The following NUP155 variants were observed in gnomAD, a reference collection of about 807,000 sequenced individuals.
The protein encoded by NUP155 is nucleoporin 155, also known as nuclear pore complex protein Nup155.
A neutral mutation model predicts 180.4 loss-of-function variants in NUP155; 71 were observed. The ratio of observed to expected loss-of-function variants is 0.39; its 90% CI spans 0.33 to 0.48. The LOEUF (loss-of-function observed/expected upper bound fraction) is 0.48. NUP155 is among the 20% of genes least tolerant of loss of function. The pLI, the probability that NUP155 is intolerant of heterozygous loss-of-function variation, is 0.91. For synonymous variants in NUP155, 582 were observed against 559.5 expected (o/e 1.04, Z -0.57); for missense variants, 1,553 against 1,648.9 (o/e 0.94, Z 1.01).
intron 33 of NUP155, 116 bp downstream of exon 33, chr5:37,294,213 A>C: frequency 1.4e-6 from 1 of 700,388 alleles, no homozygotes; most frequent in East Asian, 2.8e-5. Context: ...GACTCAACCA[A>C]GTGTAATTAG....
At position 37,352,415 on chromosome 5, in the gene NUP155, G is replaced by A. The variant is rs138867904; in HGVS notation, c.556+322C>T. ...TAGCCGGGTATGGTGGTGCATGCCT[G>A]TAATCCCAGCAACTCAAGAGACTGA... On this transcript the variant is annotated intron_variant, in intron 5 of 34. Coordinates refer to ENST00000231498, the MANE Select transcript of NUP155 (RefSeq NM_153485.3). Among the ~76,000 whole-genome samples the A allele has an allele frequency of 2.7e-3, 417 of 152,244 alleles. 1 individual carries two copies. Among genetic ancestry groups the A allele is most frequent in the African/African-American group, 9.6e-3 (401 of 41,562 alleles).
intron 9 of NUP155, among the ~76,000 whole-genome samples, chr5:37,346,063 TGAA>T (rs1267313475): frequency 6.6e-6 from 1 of 152,014 alleles, no homozygotes; most frequent in Non-Finnish European, 1.5e-5. Context: ...TTCTTGTCAC[TGAA>T]GAATAAAACA....
At chr5:37,338,103 G>A (rs927890803) in intron 11 of NUP155, among the ~76,000 whole-genome samples, 185 bp from the exon 12 acceptor site, 2 of 148,324 alleles carry the variant, frequency 1.3e-5, no homozygotes, top group Non-Finnish European at 1.5e-5. Context: ...GGTGGATCAC[G>A]AGGTCAGGAG....
intron 15 of NUP155, among the ~76,000 whole-genome samples, chr5:37,329,832 A>G (rs1200973046): frequency 6.6e-6 from 1 of 152,168 alleles, no homozygotes; most frequent in African/African-American, 2.4e-5. Context: ...TCCAGAGTTA[A>G]AGTAATAATG....
chr5:37,334,897 C>T (rs1375698888), intron 12 of NUP155, among the ~76,000 whole-genome samples: 3 of 152,072 alleles, frequency 2.0e-5, no homozygotes, highest in Admixed American at 6.5e-5. Flanking sequence ...AGGTGGCTCA[C>T]GCCTATAATC....
rs1214646441 is a variant in NUP155 at position 37,288,231 on chromosome 5, A to G, written c.*3669T>C. On this transcript the variant is annotated 3_prime_UTR_variant, in exon 35 of 35. Transcript: ENST00000231498. ...GAACCCTTTCAAAACCTTTCAATTCAATGTTCTAGTTCTTCATTTCCTTGA... is the reference window on the plus strand; with the variant it reads ...GAACCCTTTCAAAACCTTTCAATTCGATGTTCTAGTTCTTCATTTCCTTGA... 2 of 152,210 alleles carry G rather than the reference A, an allele frequency of 1.3e-5. No homozygotes were observed. The highest frequency in any genetic ancestry group is 4.8e-5 in the African/African-American group (2 of 41,456). The allele number at this position is 152,210 out of a possible 1,614,324, so 9.4% of individuals were successfully genotyped here.
At chr5:37,293,568 ATCTTT>A (rs1742345884) in intron 33 of NUP155, among the ~76,000 whole-genome samples, 1 of 152,208 alleles carries the variant, frequency 6.6e-6, no homozygotes, top group Non-Finnish European at 1.5e-5. Context: ...TTTTATTTGG[ATCTTT>A]TATCCTTAGC....
At chr5:37,305,868 G>C (rs1743123429) in intron 25 of NUP155, among the ~76,000 whole-genome samples, 1 of 151,820 alleles carries the variant, frequency 6.6e-6, no homozygotes. Context: ...ATGAGGCCCT[G>C]TCTCAAAAAC....
In NUP155 at chr5:37,331,771, TAA is replaced by T. The variant is rs1744976440; in HGVS notation, c.1541_1542del (p.Leu514GlnfsTer13). On this transcript the variant is annotated frameshift_variant, in exon 14 of 35. Coordinates refer to ENST00000231498, the MANE Select transcript of NUP155 (RefSeq NM_153485.3). LOFTEE classifies it high-confidence loss of function. ...AGATGCCTCAGTTGATCTACAGGTCTAAGTTTATGAAACATAAGGCTCCCCTA... is the reference window on the plus strand; with the variant it reads ...AGATGCCTCAGTTGATCTACAGGTCTGTTTATGAAACATAAGGCTCCCCTA... ...SAQGSLMFHK[L>X]RPVDQLRHLL... is the part of the protein sequence containing the mutation. 1 of 1,610,212 alleles carries T rather than the reference TAA, an allele frequency of 6.2e-7. No individual in the cohort carries two copies.
chr5:37,370,834 C>T lies in NUP155; in HGVS notation c.144G>A (p.Met48Ile). The T allele has an allele frequency of 6.2e-7, 1 of 1,614,196 alleles. No individual in the cohort carries two copies. The highest frequency in any genetic ancestry group is 8.5e-7 in the Non-Finnish European group (1 of 1,180,040). ...ACTATCACTCACTTGGGGCAGACAC[C>T]ATAAGCAGCTCGGAAAGGTCCGGGT... Reference protein sequence around the residue: ...RMYPDLSELLMVSAPNNPTVS... With the variant: ...RMYPDLSELLIVSAPNNPTVS... The change falls in exon 1 of 35, where the codon ATG becomes ATA. Residue 48 changes from methionine (M) to isoleucine (I), a missense_variant. Transcript: ENST00000231498.
rs534539842 is a variant in NUP155, at chr5:37,329,381, A to C, written c.1725-103T>G. On this transcript the variant is annotated intron_variant, in intron 15 of 34. Transcript: ENST00000231498. ...TGTTTAGCTTCCAAGTAAATGCTTT[A>C]AACATTAGAGACTTCAATGTATTGT... 2.8e-5 allele frequency: 24 copies of C among 845,276 alleles called. No individual in the cohort carries two copies. The East Asian group carries it at 5.7e-4, about 20-fold the overall frequency. 52.4% of individuals were successfully genotyped at this position (845,276 alleles called of 1,614,324 possible). A position where few individuals can be genotyped will look rare whatever the true frequency, so the allele number is the denominator to read the frequency against.
At chr5:37,314,086 T>A in intron 22 of NUP155, 112 bp downstream of exon 22, 1 of 786,020 alleles carries the variant, frequency 1.3e-6, no homozygotes, top group Non-Finnish European at 2.1e-6. Context: ...CATACTAACT[T>A]CATCATAACT....
chr5:37,331,404 G>C (rs1744954520), intron 14 of NUP155, among the ~76,000 whole-genome samples: 1 of 152,050 alleles, frequency 6.6e-6, no homozygotes, highest in Non-Finnish European at 1.5e-5. Flanking sequence ...GAGAAACTCT[G>C]TCTCTACTAA....
At chr5:37,317,345 G>A (rs960727644) in intron 21 of NUP155, among the ~76,000 whole-genome samples, 5 of 150,946 alleles carry the variant, frequency 3.3e-5, no homozygotes, top group Non-Finnish European at 7.4e-5. Flanking sequence ...AAAATTAGCC[G>A]GGCGTGGTGG....
At position 37,352,814 on chromosome 5, in the gene NUP155, T is replaced by C. The variant is rs1456596509; in HGVS notation, c.479A>G (p.His160Arg). The C allele has an allele frequency of 1.1e-5, 17 of 1,612,918 alleles. No homozygotes were observed. Among genetic ancestry groups the C allele is most frequent in the East Asian group, 2.2e-5 (1 of 44,868 alleles). ...CGCCAAAACCAGGAGGTGTCGCACA[T>C]GAGGTTGAAAGATGCCTAAGATAAA... ...VKPKAGIFQP[H>R]VRHLLVLATP... is the part of the protein sequence containing the mutation. The change falls in exon 5 of 35, where the codon CAT becomes CGT. Residue 160 changes from histidine to arginine, a missense_variant. Transcript: ENST00000231498.
At chr5:37,318,392 C>A (rs1289505989) in intron 20 of NUP155, among the ~76,000 whole-genome samples, 1 of 151,200 alleles carries the variant, frequency 6.6e-6, no homozygotes, top group Non-Finnish European at 1.5e-5. Context: ...AAGGAAATTA[C>A]GGAAGAGAAG....
chr5:37,324,204 T>C, intron 19 of NUP155, 97 bp from the exon 20 acceptor site: 1 of 768,284 alleles, frequency 1.3e-6, no homozygotes, highest in Non-Finnish European at 2.3e-6. Flanking sequence ...TCTCTATAGT[T>C]ATTTCTTGTA....
rs1241767938 is a variant in NUP155 at position 37,290,597 on chromosome 5, A to C, written c.*1303T>G. ...TTGGTTTGGTTATTCTATTTTGTTAAGGAATAATTAAAAAGTACATTACTA... is the reference window on the plus strand; with the variant it reads ...TTGGTTTGGTTATTCTATTTTGTTACGGAATAATTAAAAAGTACATTACTA... On this transcript the variant is annotated 3_prime_UTR_variant, in exon 35 of 35. Transcript: ENST00000231498. 2.0e-5 allele frequency: 3 copies of C among 152,164 alleles called. No individual in the cohort carries two copies. Among genetic ancestry groups the C allele is most frequent in the African/African-American group, 7.2e-5 (3 of 41,440 alleles). 9.4% of individuals were successfully genotyped at this position (152,164 alleles called of 1,614,324 possible). A position where few individuals can be genotyped will look rare whatever the true frequency, so the allele number is the denominator to read the frequency against.
intron 24 of NUP155, among the ~76,000 whole-genome samples, chr5:37,307,921 C>CAA (rs201659298): frequency 2.9e-4 from 26 of 91,106 alleles, no homozygotes; most frequent in African/African-American, 8.7e-4. Flanking sequence ...GACTCTGTCT[C>CAA]ACAAAAAAAA....
Sources: allele counts gnomAD v4.1 joint callset (sites outside exome capture counted in the v4.1 genomes callset), GRCh38; gene constraint gnomAD v4.1.1; transcripts MANE v1.5; gene names NCBI Gene and HGNC (gene_info 2026-07-23, HGNC 2026-07-21).